Variants in SGCZ observed in about 807,000 individuals in gnomAD.
SGCZ encodes zeta-sarcoglycan.
A neutral mutation model predicts 41.3 loss-of-function variants in SGCZ; 40 were observed. The ratio of observed to expected loss-of-function variants is 0.97; its 90% confidence interval spans 0.75 to 1.26. The LOEUF is 1.26. Among genes scored for constraint, SGCZ ranks in the 50% most tolerant of loss-of-function variants. SGCZ has a pLI of 0.00. For synonymous variants in SGCZ, 206 were observed against 137.5 expected (o/e 1.50, Z -3.49); for missense variants, 552 against 369.8 (o/e 1.49, Z -4.04).
rs548834721 is a variant in SGCZ, at chr8:14,339,459, A to G, written c.235-15255T>C. On this transcript the variant is annotated intron_variant, in intron 2 of 7. Transcript: ENST00000382080. ...ATATTAGGATAAGTTATTGCAGGTA[A>G]TGACCTCACCATCCATGCTCTTCCA... Among the ~76,000 whole-genome samples, 10 of 152,332 alleles carry G rather than the reference A, an allele frequency of 6.6e-5. No individual in the cohort carries two copies. The South Asian group carries it at 2.1e-3, about 32-fold the overall frequency.
At chr8:14,454,769 A>T (rs192701281) in intron 2 of SGCZ, among the ~76,000 whole-genome samples, 5 of 152,318 alleles carry the variant, frequency 3.3e-5, no homozygotes, top group Admixed American at 3.3e-4. Context: ...TGACATTTCA[A>T]ATCACTAACA....
intron 1 of SGCZ, among the ~76,000 whole-genome samples, chr8:14,889,786 A>C (rs527948060): frequency 6.6e-6 from 1 of 152,202 alleles, no homozygotes; most frequent in African/African-American, 2.4e-5. Context: ...AATATATTTT[A>C]TTTTACAATA....
At chr8:14,337,351 C>A (rs1405026112) in intron 2 of SGCZ, among the ~76,000 whole-genome samples, 1 of 152,092 alleles carries the variant, frequency 6.6e-6, no homozygotes, top group Non-Finnish European at 1.5e-5. Flanking sequence ...GAAGGAGTGA[C>A]AAGCCCAATC....
rs375011601 is a variant in SGCZ, at chr8:14,185,394, C to T, written c.425-20692G>A. Among the ~76,000 whole-genome samples, 235 of 152,168 alleles carry T rather than the reference C, an allele frequency of 1.5e-3. 1 individual carries two copies. Among genetic ancestry groups the T allele is most frequent in the African/African-American group, 5.1e-3 (213 of 41,536 alleles). On this transcript the variant is annotated intron_variant, in intron 4 of 7. Transcript: ENST00000382080. Reference sequence around the variant, plus strand: ...CTCCAGCCTGGGCAACAGAGCAAGACTGTCTCTCAAAATAAATAAATAAAT... The same window carrying T: ...CTCCAGCCTGGGCAACAGAGCAAGATTGTCTCTCAAAATAAATAAATAAAT...
At chr8:14,189,004 T>G (rs1785621331) in intron 4 of SGCZ, among the ~76,000 whole-genome samples, 1 of 137,090 alleles carries the variant, frequency 7.3e-6, no homozygotes. Flanking sequence ...TACAGGCACC[T>G]GCCACCACGC....
At chr8:14,130,982 T>C (rs2117057411) in intron 5 of SGCZ, among the ~76,000 whole-genome samples, 1 of 152,314 alleles carries the variant, frequency 6.6e-6, no homozygotes, top group East Asian at 1.9e-4. Flanking sequence ...TTGTGCCCTG[T>C]GTAAATCAGA....
intron 2 of SGCZ, among the ~76,000 whole-genome samples, chr8:14,478,764 T>C (rs1296512509): frequency 6.6e-6 from 1 of 152,202 alleles, no homozygotes; most frequent in Admixed American, 6.5e-5. Flanking sequence ...CCATTCACTA[T>C]CACGCTTTTT....
chr8:14,623,439 G>C (rs1309289328), intron 1 of SGCZ, among the ~76,000 whole-genome samples: 1 of 152,186 alleles, frequency 6.6e-6, no homozygotes, highest in East Asian at 1.9e-4. Flanking sequence ...AACAAGAGAA[G>C]AGGCAGACAT....
chr8:14,954,789 G>A (rs768537303), intron 1 of SGCZ, among the ~76,000 whole-genome samples: 1 of 152,134 alleles, frequency 6.6e-6, no homozygotes, highest in African/African-American at 2.4e-5. Flanking sequence ...TGCAGCCTGC[G>A]AGATACACTG....
chr8:14,778,521 C>A (rs1390369758), intron 1 of SGCZ, among the ~76,000 whole-genome samples: 1 of 146,930 alleles, frequency 6.8e-6, no homozygotes, highest in African/African-American at 2.6e-5. Context: ...CTAAAGACAC[C>A]TTAAAAAAAA....
At chr8:15,120,430 A>T (rs2116949186) in intron 1 of SGCZ, among the ~76,000 whole-genome samples, 1 of 152,288 alleles carries the variant, frequency 6.6e-6, no homozygotes, top group Admixed American at 6.5e-5. Context: ...TCACTATTTC[A>T]ACTAGATTTA....
At chr8:15,201,068 G>C (rs750647255) in intron 1 of SGCZ, among the ~76,000 whole-genome samples, 1 of 152,182 alleles carries the variant, frequency 6.6e-6, no homozygotes, top group African/African-American at 2.4e-5. Flanking sequence ...CCAGGCTGGA[G>C]TGCAGTGGCA....
At chr8:14,946,706 TG>T (rs1168723961) in intron 1 of SGCZ, among the ~76,000 whole-genome samples, 2 of 150,902 alleles carry the variant, frequency 1.3e-5, no homozygotes, top group African/African-American at 4.9e-5. Context: ...GATCGACTCT[TG>T]CTTTGTTGCC....
At chr8:14,659,884 T>G (rs181537504) in intron 1 of SGCZ, among the ~76,000 whole-genome samples, 132 of 152,288 alleles carry the variant, frequency 8.7e-4, no homozygotes, top group South Asian at 3.7e-3. Flanking sequence ...AGGTCACACT[T>G]TAGCCCTAAT....
chr8:14,197,258 A>T (rs1805294913), intron 4 of SGCZ, among the ~76,000 whole-genome samples: 1 of 152,134 alleles, frequency 6.6e-6, no homozygotes, highest in Non-Finnish European at 1.5e-5. Context: ...AATGTTCCTG[A>T]ATATAGAAAT....
intron 1 of SGCZ, among the ~76,000 whole-genome samples, chr8:15,140,512 T>G (rs1349564562): frequency 6.6e-6 from 1 of 152,196 alleles, no homozygotes; most frequent in African/African-American, 2.4e-5. Context: ...ACAGATTAAG[T>G]ACTTGGCCCA....
chr8:15,221,831 G>T (rs188007678), intron 1 of SGCZ, among the ~76,000 whole-genome samples: 2 of 152,240 alleles, frequency 1.3e-5, no homozygotes, highest in Non-Finnish European at 2.9e-5. Context: ...ACTGCATTTC[G>T]TTTTGTTCAG....
At chr8:14,969,273 C>T (rs1410853173) in intron 1 of SGCZ, among the ~76,000 whole-genome samples, 3 of 152,152 alleles carry the variant, frequency 2.0e-5, no homozygotes, top group Admixed American at 2.0e-4. Context: ...TTCTAGGCCA[C>T]TGGCCTAATT....
At chr8:14,999,487 C>A (rs570377993) in intron 1 of SGCZ, among the ~76,000 whole-genome samples, 4 of 152,140 alleles carry the variant, frequency 2.6e-5, no homozygotes, top group African/African-American at 9.6e-5. Context: ...TTTGCTAAAT[C>A]AAGGATAACC....
Sources: gnomAD v4.1 joint callset for allele counts (sites outside exome capture counted in the v4.1 genomes callset) on GRCh38, gnomAD v4.1.1 for gene constraint, MANE v1.5 for transcripts, NCBI Gene and HGNC (gene_info 2026-07-23, HGNC 2026-07-21) for gene names.